The following NELL1 variants were observed in gnomAD, a reference collection of about 807,000 sequenced individuals.
NELL1 encodes protein kinase C-binding protein NELL1.
A neutral mutation model predicts 107.4 loss-of-function variants in NELL1; 76 were observed. That is an observed-to-expected ratio of 0.71 (90% CI 0.59 to 0.86). The LOEUF (loss-of-function observed/expected upper bound fraction) is 0.86, where lower values mean the gene tolerates loss of function less well. Among genes scored for constraint, NELL1 ranks in the 40% least tolerant of loss-of-function variants. The pLI, the probability that NELL1 is intolerant of heterozygous loss-of-function variation, is 0.00. For synonymous variants in NELL1, 353 were observed against 341.2 expected (o/e 1.03, Z -0.38); for missense variants, 1,024 against 1,005.5 (o/e 1.02, Z -0.25).
chr11:20,701,982 G>C (rs1218081318), intron 2 of NELL1, among the ~76,000 whole-genome samples: 2 of 152,142 alleles, frequency 1.3e-5, no homozygotes, highest in Non-Finnish European at 2.9e-5. Context: ...GAATTGTCTT[G>C]GCAATGCAGG....
At chr11:20,779,415 C>G (rs906026483) in intron 2 of NELL1, among the ~76,000 whole-genome samples, 1 of 152,204 alleles carries the variant, frequency 6.6e-6, no homozygotes. Context: ...CTAACTTGCT[C>G]TCTATATTTA....
At chr11:21,313,289 C>CT (rs1849790213) in intron 14 of NELL1, among the ~76,000 whole-genome samples, 1 of 152,000 alleles carries the variant, frequency 6.6e-6, no homozygotes, top group South Asian at 2.1e-4. Flanking sequence ...ATGTCTTTAA[C>CT]TTTTTTGGCT....
chr11:20,693,383 G>T (rs552492873), intron 2 of NELL1, among the ~76,000 whole-genome samples: 1 of 151,924 alleles, frequency 6.6e-6, no homozygotes, highest in East Asian at 1.9e-4. Context: ...TCCTAGTCTC[G>T]ATGGTCTTTA....
At chr11:21,327,435 CT>C (rs1436274277) in intron 14 of NELL1, among the ~76,000 whole-genome samples, 1 of 152,078 alleles carries the variant, frequency 6.6e-6, no homozygotes, top group African/African-American at 2.4e-5. Context: ...GATGTGTTTC[CT>C]TCCCCTTCCA....
chr11:20,795,031 C>A (rs1387796625), intron 3 of NELL1, among the ~76,000 whole-genome samples: 1 of 152,194 alleles, frequency 6.6e-6, no homozygotes, highest in Non-Finnish European at 1.5e-5. Context: ...CTCTGCTAGG[C>A]TTCGGGCTAC....
intron 12 of NELL1, among the ~76,000 whole-genome samples, chr11:21,091,988 G>A (rs973691281): frequency 2.0e-5 from 3 of 152,312 alleles, no homozygotes; most frequent in Admixed American, 1.3e-4. Context: ...GATGGATTTT[G>A]AAGGATGAGA....
At chr11:21,201,297 G>A (rs563939979) in intron 13 of NELL1, among the ~76,000 whole-genome samples, 4 of 152,040 alleles carry the variant, frequency 2.6e-5, no homozygotes, top group Admixed American at 6.6e-5. Flanking sequence ...ATGTCCTCTC[G>A]TATTTCCTTG....
chr11:20,878,394 A>G (rs1849347626), intron 4 of NELL1, among the ~76,000 whole-genome samples: 1 of 144,058 alleles, frequency 6.9e-6, no homozygotes, highest in African/African-American at 2.5e-5. Context: ...CATTTGATCT[A>G]ATTAATTTTC....
In NELL1 at chr11:20,855,352, G is replaced by GA. The variant is rs1334578327; in HGVS notation, c.506+7605dup. ...CAAGTTTGCAAATAGAAAGAACTGG[G>GA]AAAAAATACAATAGACTCTTTCCTT... On this transcript the variant is annotated intron_variant, in intron 4 of 19. Transcript: ENST00000357134. Among the ~76,000 whole-genome samples, 6 of 152,150 alleles carry GA rather than the reference G, an allele frequency of 3.9e-5. No homozygotes were observed. In the East Asian group the frequency reaches 1.2e-3, roughly 29 times the overall value.
chr11:21,448,681 G>A (rs1296293960), intron 15 of NELL1, among the ~76,000 whole-genome samples: 1 of 152,118 alleles, frequency 6.6e-6, no homozygotes, highest in African/African-American at 2.4e-5. Flanking sequence ...AAAATATCAA[G>A]CAATCCTAAA....
chr11:21,394,802 C>T (rs982313683), intron 15 of NELL1, among the ~76,000 whole-genome samples: 4 of 151,478 alleles, frequency 2.6e-5, no homozygotes, highest in Admixed American at 2.0e-4. Flanking sequence ...AGAGTTAACA[C>T]TTATGCATGC....
chr11:21,253,106 C>G (rs1858680659), intron 14 of NELL1, among the ~76,000 whole-genome samples: 1 of 151,960 alleles, frequency 6.6e-6, no homozygotes, highest in East Asian at 1.9e-4. Flanking sequence ...GACAACCAGG[C>G]ATTTTAGAGC....
chr11:21,329,305 T>G (rs188892820), intron 14 of NELL1, among the ~76,000 whole-genome samples: 90 of 152,274 alleles, frequency 5.9e-4, no homozygotes, highest in African/African-American at 2.1e-3. Flanking sequence ...TGCTCAGTAT[T>G]TCTCCTTGCT....
intron 13 of NELL1, among the ~76,000 whole-genome samples, chr11:21,201,440 C>T (rs551719565): frequency 2.0e-5 from 3 of 151,856 alleles, no homozygotes; most frequent in East Asian, 1.9e-4. Context: ...CTATTATTGG[C>T]GTATAGTAAT....
At chr11:21,152,801 A>G (rs1440320986) in intron 13 of NELL1, among the ~76,000 whole-genome samples, 1 of 152,030 alleles carries the variant, frequency 6.6e-6, no homozygotes, top group Non-Finnish European at 1.5e-5. Flanking sequence ...CAGGATGGAG[A>G]TACTTCATCT....
At chr11:20,918,056 C>T in intron 5 of NELL1, 126 bp from the exon 6 acceptor site, 2 of 690,034 alleles carry the variant, frequency 2.9e-6, no homozygotes, top group East Asian at 2.5e-5. Context: ...CTAAGGCCAG[C>T]TCACCCTTTG....
intron 12 of NELL1, among the ~76,000 whole-genome samples, chr11:21,055,076 A>G (rs1853581622): frequency 6.6e-6 from 1 of 151,964 alleles, no homozygotes; most frequent in Non-Finnish European, 1.5e-5. Flanking sequence ...GTCTAATGTT[A>G]TTATTTTTTT....
At chr11:21,063,833 AAACT>A (rs1455150323) in intron 12 of NELL1, among the ~76,000 whole-genome samples, 2 of 152,236 alleles carry the variant, frequency 1.3e-5, no homozygotes, top group East Asian at 1.9e-4. Flanking sequence ...AACAATAAAC[AAACT>A]AACTAATAAA....
At chr11:20,732,866 G>T (rs1341408723) in intron 2 of NELL1, among the ~76,000 whole-genome samples, 1 of 152,106 alleles carries the variant, frequency 6.6e-6, no homozygotes, top group African/African-American at 2.4e-5. Flanking sequence ...TAATTCTTTT[G>T]TAAGTCATTT....
Sources: allele counts gnomAD v4.1 joint callset (sites outside exome capture counted in the v4.1 genomes callset), GRCh38; gene constraint gnomAD v4.1.1; transcripts MANE v1.5; gene names NCBI Gene and HGNC (gene_info 2026-07-23, HGNC 2026-07-21).